The following NFIB variants were observed in gnomAD, a reference collection of about 807,000 sequenced individuals.
The protein encoded by NFIB is nuclear factor 1 B-type.
Under a neutral mutation model 61.5 loss-of-function variants are expected in NFIB, and 11 were observed. The ratio of observed to expected loss-of-function variants is 0.18; its 90% CI spans 0.11 to 0.30. The LOEUF is 0.30. Among genes scored for constraint, NFIB ranks in the 10% least tolerant of loss-of-function variants. The pLI is 1.00. For synonymous variants in NFIB, 260 were observed against 216.5 expected (o/e 1.20, Z -1.76); for missense variants, 471 against 608.9 (o/e 0.77, Z 2.38).
intron 2 of NFIB, among the ~76,000 whole-genome samples, chr9:14,285,640 C>T (rs890074130): frequency 1.6e-4 from 24 of 152,162 alleles, no homozygotes; most frequent in African/African-American, 5.8e-4. Flanking sequence ...TCAGAGTTCT[C>T]ATTTGTGAAA....
At chr9:14,418,119 A>T in the NFIB span, among the ~76,000 whole-genome samples, 1,443 of 152,234 alleles carry the variant, frequency 9.5e-3, 25 homozygotes, top group African/African-American at 0.033. Flanking sequence ...AGGAAGTGTT[A>T]ATGTACTCAT....
chr9:14,469,720 T>C, the NFIB span, among the ~76,000 whole-genome samples: 4 of 152,150 alleles, frequency 2.6e-5, no homozygotes, highest in African/African-American at 4.8e-5. Flanking sequence ...GAACATAATA[T>C]CCAGCCTGCA....
At chr9:14,361,105 C>T (rs2061234678) in intron 1 of NFIB, among the ~76,000 whole-genome samples, 1 of 151,910 alleles carries the variant, frequency 6.6e-6, no homozygotes, top group Non-Finnish European at 1.5e-5. Context: ...TGTTTGTTTT[C>T]CTCCACTTTC....
At chr9:14,282,418 T>C (rs1391498331) in intron 2 of NFIB, among the ~76,000 whole-genome samples, 1 of 152,208 alleles carries the variant, frequency 6.6e-6, no homozygotes, top group Non-Finnish European at 1.5e-5. Context: ...ACAAAATTAT[T>C]TGTACAATCA....
chr9:14,433,274 A>AT, the NFIB span, among the ~76,000 whole-genome samples: 4 of 152,218 alleles, frequency 2.6e-5, no homozygotes, highest in South Asian at 6.2e-4. Flanking sequence ...GTCATTAAAA[A>AT]TTTTTTTGCC....
chr9:14,333,189 T>C (rs1297958979), intron 1 of NFIB, among the ~76,000 whole-genome samples: 2 of 152,232 alleles, frequency 1.3e-5, no homozygotes, highest in African/African-American at 4.8e-5. Flanking sequence ...ACAACACTTA[T>C]GAAATACATT....
the NFIB span, among the ~76,000 whole-genome samples, chr9:14,474,166 A>T: frequency 6.6e-6 from 1 of 152,172 alleles, no homozygotes; most frequent in South Asian, 2.1e-4. Context: ...TTAATAGAAT[A>T]TCATAAACTG....
chr9:14,197,725 G>C (rs1189622928), intron 2 of NFIB, among the ~76,000 whole-genome samples: 2 of 152,170 alleles, frequency 1.3e-5, no homozygotes, highest in Non-Finnish European at 2.9e-5. Flanking sequence ...GTGTTTCTTA[G>C]CTGTGTCAGA....
At chr9:14,389,078 G>T (rs2061589637) in intron 1 of NFIB, among the ~76,000 whole-genome samples, 1 of 152,188 alleles carries the variant, frequency 6.6e-6, no homozygotes, top group Non-Finnish European at 1.5e-5. Context: ...AATATTAGAT[G>T]ATCGCAAAGG....
chr9:14,515,591 G>C, the NFIB span, among the ~76,000 whole-genome samples: 1 of 152,108 alleles, frequency 6.6e-6, no homozygotes. Flanking sequence ...AAACTGAATC[G>C]TGGGCCCAGG....
intron 10 of NFIB, among the ~76,000 whole-genome samples, chr9:14,110,064 G>C (rs558684040): frequency 1.3e-4 from 20 of 152,166 alleles, no homozygotes; most frequent in South Asian, 8.3e-4. Flanking sequence ...TACAGGTGAA[G>C]TACAGGGTTC....
chr9:14,386,869 G>T (rs1485272448), intron 1 of NFIB, among the ~76,000 whole-genome samples: 1 of 152,180 alleles, frequency 6.6e-6, no homozygotes, highest in Non-Finnish European at 1.5e-5. Flanking sequence ...CATAGCAAAG[G>T]AGGGTTCCAC....
intron 1 of NFIB, among the ~76,000 whole-genome samples, chr9:14,379,056 A>C (rs537812234): frequency 6.6e-6 from 1 of 152,340 alleles, no homozygotes; most frequent in South Asian, 2.1e-4. Flanking sequence ...AGGTATTCAC[A>C]ACCTGTTGAT....
chr9:14,450,372 G>A, the NFIB span, among the ~76,000 whole-genome samples: 3 of 152,192 alleles, frequency 2.0e-5, no homozygotes, highest in East Asian at 5.8e-4. Context: ...TTGACCTAAC[G>A]TTACTTTTCC....
At chr9:14,219,437 G>A (rs2051371589) in intron 2 of NFIB, among the ~76,000 whole-genome samples, 1 of 124,328 alleles carries the variant, frequency 8.0e-6, no homozygotes, top group East Asian at 2.6e-4. Context: ...CAAATACGAT[G>A]TAATTTAGGG....
chr9:14,307,525 G>C lies in NFIB; in HGVS notation c.31-5C>G, dbSNP rs183654317. The C allele has an allele frequency of 1.5e-5, 23 of 1,584,782 alleles. No individual in the cohort carries two copies. The East Asian group carries it at 4.3e-4, about 29-fold the overall frequency. On this transcript the variant is annotated splice_polypyrimidine_tract_variant and splice_region_variant and intron_variant, in intron 1 of 10. Transcript: ENST00000380953. This position sits in a 1 kb window ranked among gnomAD's most constrained non-coding sequence, Gnocchi z 5.3. Reference sequence around the variant, plus strand: ...GATGAATGGGTGAAATTCATCCTGTGGAAGACAGAGGGGTGAGGAAAAGAT... The same window carrying C: ...GATGAATGGGTGAAATTCATCCTGTCGAAGACAGAGGGGTGAGGAAAAGAT...
the NFIB span, among the ~76,000 whole-genome samples, chr9:14,451,209 C>T: frequency 6.6e-6 from 1 of 152,196 alleles, no homozygotes; most frequent in Non-Finnish European, 1.5e-5. Flanking sequence ...AGAAGAGTCA[C>T]TTTATAATTT....
At chr9:14,505,091 C>T in the NFIB span, among the ~76,000 whole-genome samples, 2 of 152,058 alleles carry the variant, frequency 1.3e-5, no homozygotes, top group African/African-American at 4.8e-5. Flanking sequence ...GAGGTGATCA[C>T]GTGATTTTTG....
the NFIB span, among the ~76,000 whole-genome samples, chr9:14,497,189 A>G: frequency 1.3e-5 from 2 of 152,232 alleles, no homozygotes; most frequent in Non-Finnish European, 2.9e-5. Flanking sequence ...GTAAGAAGGC[A>G]TCAATGTTGT....
Sources: gnomAD v4.1 joint callset for allele counts (sites outside exome capture counted in the v4.1 genomes callset) on GRCh38, gnomAD v4.1.1 for gene constraint, Gnocchi (gnomAD v3.1) non-coding constraint, MANE v1.5 for transcripts, NCBI Gene and HGNC (gene_info 2026-07-23, HGNC 2026-07-21) for gene names.